The following TMEM237 variants were observed in gnomAD, a reference collection of about 807,000 sequenced individuals.
TMEM237 encodes the protein amyotrophic lateral sclerosis 2 (juvenile) chromosome region, candidate 4.
In TMEM237, 51 loss-of-function variants were observed where a neutral mutation model predicts 59.1. The ratio of observed to expected loss-of-function variants is 0.86; its 90% CI spans 0.69 to 1.09. TMEM237 has a LOEUF of 1.09. TMEM237 is among the 50% of genes least tolerant of loss of function. The probability of loss-of-function intolerance (pLI) is 0.00; values close to 1 mark genes in which losing one functional copy is unlikely to be tolerated. For synonymous variants in TMEM237, 140 were observed against 166.1 expected (o/e 0.84, Z 1.21); for missense variants, 475 against 478.3 (o/e 0.99, Z 0.06).
In TMEM237 at chr2:201,640,884, T is replaced by C. The variant is rs1687398730; in HGVS notation, c.74+9A>G. The stretch of plus-strand genomic sequence containing the variant: ...GCTCAATAATGAAATTACTGTAAAT[T>C]ATTTTTACCTTGGCACAGGTGGAAG... On this transcript the variant is annotated intron_variant, in intron 2 of 12. Transcript: ENST00000409883. 6.3e-7 allele frequency: 1 copy of C among 1,580,716 alleles called. No individual in the cohort carries two copies. The highest frequency in any genetic ancestry group is 1.3e-5 in the African/African-American group (1 of 74,404).
At chr2:201,642,699 G>A (rs747531691) in intron 1 of TMEM237, 8 of 1,583,204 alleles carry the variant, frequency 5.1e-6, no homozygotes, top group East Asian at 4.7e-5. Flanking sequence ...GCTCGGTCGC[G>A]CGCGCAGGCG....
chr2:201,642,518 A>T (rs1687445356), intron 1 of TMEM237: 2 of 1,442,490 alleles, frequency 1.4e-6, no homozygotes, highest in Non-Finnish European at 1.9e-6. Context: ...CGTTCCACCC[A>T]CCCAGAGACC....
rs113901331 is a variant in TMEM237 at position 201,625,454 on chromosome 2, G to A, written c.1159+572C>T. Among the ~76,000 whole-genome samples, 558 of 152,192 alleles carry A rather than the reference G, an allele frequency of 3.7e-3. 8 individuals carry two copies. Among genetic ancestry groups the A allele is most frequent in the African/African-American group, 0.013 (528 of 41,532 alleles). ...CAATTTACAATACAAATACTAAACA[G>A]TTCCTCAAGCAGCATAAAAGGTTAG... On this transcript the variant is annotated intron_variant, in intron 12 of 12. Coordinates refer to ENST00000409883, the MANE Select transcript of TMEM237 (RefSeq NM_001044385.3).
At chr2:201,632,770 G>A (rs1957819191) in intron 6 of TMEM237, among the ~76,000 whole-genome samples, 1 of 152,186 alleles carries the variant, frequency 6.6e-6, no homozygotes, top group Admixed American at 6.5e-5. Flanking sequence ...TCTCGGGTAT[G>A]TCTTTATTAG....
At chr2:201,631,256 A>G (rs1957805154) in intron 7 of TMEM237, 1 of 152,204 alleles carries the variant, frequency 6.6e-6, no homozygotes, top group Admixed American at 6.5e-5. Flanking sequence ...AGCTGTCGGC[A>G]AGCCAGGAAG....
rs374653814 is a variant in TMEM237 at position 201,642,631 on chromosome 2, C to T, written c.42+728G>A. On this transcript the variant is annotated intron_variant, in intron 1 of 12. Transcript: ENST00000409883. ...TACCACAGGATTCTTCCCCATTCTGCGTTTAGCCGGCCTCGGCGGCCGCCG... is the reference window on the plus strand; with the variant it reads ...TACCACAGGATTCTTCCCCATTCTGTGTTTAGCCGGCCTCGGCGGCCGCCG... 4 of 1,608,364 alleles carry T rather than the reference C, an allele frequency of 2.5e-6. No homozygotes were observed. In the African/African-American group the frequency reaches 5.4e-5, roughly 22 times the overall value.
intron 2 of TMEM237, 89 bp downstream of exon 2, chr2:201,640,804 A>G: frequency 2.8e-6 from 3 of 1,088,046 alleles, no homozygotes; most frequent in African/African-American, 3.2e-5. Flanking sequence ...GAATCATTGT[A>G]ATTTTGCAAT....
chr2:201,628,248 C>A, intron 9 of TMEM237, 99 bp from the exon 10 acceptor site: 1 of 736,002 alleles, frequency 1.4e-6, no homozygotes. Context: ...CTAATGCTAG[C>A]ACATATACTA....
At chr2:201,638,461 T>C in intron 4 of TMEM237, 1 of 152,416 alleles carries the variant, frequency 6.6e-6, no homozygotes, top group East Asian at 1.9e-4. Flanking sequence ...GGATTCTAGA[T>C]GTGCTGAGTT....
rs141862154 is a variant in TMEM237, at chr2:201,630,719, G to A, written c.554-867C>T. Among the ~76,000 whole-genome samples, 297 of 152,198 alleles carry A rather than the reference G, an allele frequency of 2.0e-3. 1 individual carries two copies. Among genetic ancestry groups the A allele is most frequent in the African/African-American group, 6.6e-3 (273 of 41,536 alleles). ...GTGATACTGCTTGAAAAAGAACTGCGGTAATTTAAATGACCACGTGGTAGA... is the reference window on the plus strand; with the variant it reads ...GTGATACTGCTTGAAAAAGAACTGCAGTAATTTAAATGACCACGTGGTAGA... On this transcript the variant is annotated intron_variant, in intron 7 of 12. Coordinates refer to ENST00000409883, the MANE Select transcript of TMEM237 (RefSeq NM_001044385.3).
At chr2:201,636,928 A>G in intron 4 of TMEM237, 43 bp from the exon 5 acceptor site, 1 of 1,551,298 alleles carries the variant, frequency 6.4e-7, no homozygotes, top group Non-Finnish European at 8.7e-7. Flanking sequence ...TACTTGAGCA[A>G]AGATCACTGA....
intron 5 of TMEM237, 88 bp downstream of exon 5, chr2:201,636,660 G>C: frequency 1.4e-6 from 2 of 1,447,542 alleles, no homozygotes; most frequent in South Asian, 1.3e-5. Flanking sequence ...GATATGGATA[G>C]GGGGAAAGAA....
intron 7 of TMEM237, among the ~76,000 whole-genome samples, chr2:201,631,819 G>A (rs1337602716): frequency 1.3e-5 from 2 of 152,076 alleles, no homozygotes; most frequent in South Asian, 4.1e-4. Flanking sequence ...TAATGGTGAA[G>A]AACATTATTA....
rs953803730 is a variant in TMEM237 at position 201,625,137 on chromosome 2, C to T, written c.1160-815G>A. On this transcript the variant is annotated intron_variant, in intron 12 of 12. Transcript: ENST00000409883. ...CAGCACTTTGGGAGGCCGAGGCGGG[C>T]GGATCACGAGGTCAGGAGATTGAGA... Among the ~76,000 whole-genome samples the T allele has an allele frequency of 3.9e-5, 6 of 152,158 alleles. No individual in the cohort carries two copies. The East Asian group carries it at 7.7e-4, about 20-fold the overall frequency.
At position 201,643,312 on chromosome 2, in the gene TMEM237, CT is replaced by C; in HGVS notation, c.42+46del. The C allele has an allele frequency of 6.6e-7, 1 of 1,504,596 alleles. No homozygotes were observed. The highest frequency in any genetic ancestry group is 9.0e-7 in the Non-Finnish European group (1 of 1,110,528). The allele number at this position is 1,504,596 out of a possible 1,614,324, so 93.2% of individuals were successfully genotyped here. A position where few individuals can be genotyped will look rare whatever the true frequency, so the allele number is the denominator to read the frequency against. On this transcript the variant is annotated intron_variant, in intron 1 of 12. Coordinates refer to ENST00000409883, the MANE Select transcript of TMEM237 (RefSeq NM_001044385.3). The surrounding 1 kb of genome is among the most constrained non-coding windows in gnomAD (Gnocchi z 4.3). The stretch of plus-strand genomic sequence containing the variant: ...CACCCACCCCCACTGCCAAGTGTAG[CT>C]GTTTACCCGCCACCTCTCGAGGCCG...
At chr2:201,624,679 G>C (rs920305506) in intron 12 of TMEM237, among the ~76,000 whole-genome samples, 1 of 152,126 alleles carries the variant, frequency 6.6e-6, no homozygotes, top group African/African-American at 2.4e-5. Flanking sequence ...AAACATAGGG[G>C]ACAGATACAG....
At position 201,632,216 on chromosome 2, in the gene TMEM237, A is replaced by G; in HGVS notation, c.396-8T>C. The stretch of plus-strand genomic sequence containing the variant: ...TCTGCTGGCTGGGTTTTCCTGTAAT[A>G]AGGACGTATGTATGAAAAATAGATG... On this transcript the variant is annotated splice_region_variant and splice_polypyrimidine_tract_variant and intron_variant, in intron 6 of 12. Transcript: ENST00000409883. 1 of 1,613,584 alleles carries G rather than the reference A, an allele frequency of 6.2e-7. No homozygotes were observed. Among genetic ancestry groups the G allele is most frequent in the African/African-American group, 1.3e-5 (1 of 75,016 alleles).
rs1168187796 is a variant in TMEM237, at chr2:201,621,695, GC to G, written c.*2559del. On this transcript the variant is annotated 3_prime_UTR_variant, in exon 13 of 13. Transcript: ENST00000409883. ...GGCCAAGGGCTCTGATCAGCAAGGT[GC>G]CCCTGTGTTATCTACCCAGTGCAGT... The G allele has an allele frequency of 6.6e-6, 1 of 152,584 alleles. No homozygotes were observed. Among genetic ancestry groups the G allele is most frequent in the African/African-American group, 2.4e-5 (1 of 41,424 alleles). The allele number at this position is 152,584 out of a possible 1,614,324, so 9.5% of individuals were successfully genotyped here.
intron 1 of TMEM237, chr2:201,642,482 T>C: frequency 9.1e-7 from 1 of 1,093,416 alleles, no homozygotes; most frequent in Non-Finnish European, 1.3e-6. Flanking sequence ...TTCACGTAAC[T>C]GATTTCAAAA....
Sources: gnomAD v4.1 joint callset for allele counts (sites outside exome capture counted in the v4.1 genomes callset) on GRCh38, gnomAD v4.1.1 for gene constraint, Gnocchi (gnomAD v3.1) non-coding constraint, MANE v1.5 for transcripts, NCBI Gene and HGNC (gene_info 2026-07-23, HGNC 2026-07-21) for gene names.